FMO3: variants seen among roughly 807,000 people sequenced by gnomAD.
FMO3 encodes the protein flavin-containing monooxygenase 3.
In FMO3, 40 loss-of-function variants were observed where a neutral mutation model predicts 39.4. The ratio of observed to expected loss-of-function variants is 1.02; its 90% CI spans 0.79 to 1.32. FMO3 has a LOEUF of 1.32. FMO3 is among the 40% of genes most tolerant of loss of function. The pLI is 0.00. For missense variants in FMO3, 680 were observed against 651.8 expected (o/e 1.04, Z -0.47); for synonymous variants, 219 against 228.8 (o/e 0.96, Z 0.39).
At chr1:171,102,680 G>GT (rs1303461940) in intron 2 of FMO3, among the ~76,000 whole-genome samples, 1 of 152,128 alleles carries the variant, frequency 6.6e-6, no homozygotes, top group Non-Finnish European at 1.5e-5. Flanking sequence ...TGCTCAGTGT[G>GT]TTTTTTAAAG....
chr1:171,095,911 A>ATATAATT (rs1381730592), intron 2 of FMO3, among the ~76,000 whole-genome samples: 83 of 318 alleles, frequency 0.26, 1 homozygote, highest in South Asian at 0.47. Context: ...AATATGTATA[A>ATATAATT]ATATATATTT....
At chr1:171,104,757 C>G (rs1655563222) in intron 3 of FMO3, among the ~76,000 whole-genome samples, 1 of 151,928 alleles carries the variant, frequency 6.6e-6, no homozygotes, top group South Asian at 2.1e-4. Flanking sequence ...GCCTGTGGTC[C>G]CAGCTACTAG....
intron 5 of FMO3, among the ~76,000 whole-genome samples, chr1:171,109,916 TA>T (rs1188193500): frequency 6.6e-6 from 1 of 152,098 alleles, no homozygotes; most frequent in Non-Finnish European, 1.5e-5. Flanking sequence ...AAATTGGTTT[TA>T]AAAAAGACAA....
chr1:171,107,853 A>T lies in FMO3; in HGVS notation c.484+16A>T. 7.4e-6 allele frequency: 12 copies of T among 1,611,830 alleles called. No individual in the cohort carries two copies. The highest frequency in any genetic ancestry group is 1.0e-5 in the Non-Finnish European group (12 of 1,177,974). ...TCCTTTCCAGGTAAGGCCAAAATTT[A>T]AGCTGCTAGCCACATAACTGACAAA... On this transcript the variant is annotated intron_variant, in intron 4 of 8. Coordinates refer to ENST00000367755, the MANE Select transcript of FMO3 (RefSeq NM_001002294.3).
At chr1:171,093,672 T>C (rs1336094313) in intron 2 of FMO3, among the ~76,000 whole-genome samples, 1 of 152,002 alleles carries the variant, frequency 6.6e-6, no homozygotes, top group Admixed American at 6.6e-5. Flanking sequence ...TTTTTTTATA[T>C]AATGACTTCT....
chr1:171,117,342 G>T lies in FMO3; in HGVS notation c.1499G>T (p.Arg500Leu), dbSNP rs183949390. ...CGGTCGTTGAAACCCATGCAGACACGAGTGGTCGGGAGACTTCAGAAGCCT... is the reference window on the plus strand; with the variant it reads ...CGGTCGTTGAAACCCATGCAGACACTAGTGGTCGGGAGACTTCAGAAGCCT... The part of the protein sequence containing the change: ...WDRSLKPMQT[R>L]VVGRLQKPCF... Residue 500 changes from arginine (R) to leucine (L), a missense_variant, in exon 9 of 9, where the codon CGA becomes CTA. By Grantham distance (102) the Arg-to-Leu change is moderately radical (BLOSUM62 -2). Transcript: ENST00000367755. The T allele has an allele frequency of 1.9e-6, 3 of 1,613,084 alleles. No homozygotes were observed. In the East Asian group the frequency reaches 6.7e-5, roughly 36 times the overall value.
intron 2 of FMO3, 56 bp from the exon 3 acceptor site, chr1:171,103,729 C>A: frequency 1.4e-6 from 2 of 1,420,256 alleles, no homozygotes; most frequent in South Asian, 1.1e-5. Context: ...CAGCCCTGAC[C>A]ATGATCAGTA....
chr1:171,101,253 G>A, intron 2 of FMO3: 1 of 456,030 alleles, frequency 2.2e-6, no homozygotes. Context: ...ATTCCCGACT[G>A]CTGACTTCTA....
In FMO3 at chr1:171,116,264, G is replaced by A; in HGVS notation, c.1240G>A (p.Glu414Lys). Residue 414 changes from glutamate (E) to lysine (K), a missense_variant, in exon 8 of 9, where the codon GAG becomes AAG. Physicochemically the swap from Glu to Lys is moderately conservative, Grantham distance 56. Coordinates refer to ENST00000367755, the MANE Select transcript of FMO3 (RefSeq NM_001002294.3). ...GATGAATGATATTAATGAGAAAATG[G>A]AGAAAAAGCGCAAATGGTAAGAGTA... ...DMMNDINEKM[E>K]KKRKWFGKSE... 6.3e-7 allele frequency: 1 copy of A among 1,591,266 alleles called. No homozygotes were observed. Among genetic ancestry groups the A allele is most frequent in the East Asian group, 2.2e-5 (1 of 44,622 alleles).
chr1:171,103,832 C>A lies in FMO3; in HGVS notation c.180C>A (p.Ser60=). The change falls in exon 3 of 9, where the codon TCC becomes TCA. Residue 60 remains serine (S), a synonymous_variant. Coordinates refer to ENST00000367755, the MANE Select transcript of FMO3 (RefSeq NM_001002294.3). ...GRASIYKSVF[S]NSSKEMMCFP... ...CTAGCATTTACAAATCAGTCTTTTC[C>A]AACTCTTCCAAAGAGATGATGTGTT... The A allele has an allele frequency of 6.2e-7, 1 of 1,613,882 alleles. No homozygotes were observed. Among genetic ancestry groups the A allele is most frequent in the Non-Finnish European group, 8.5e-7 (1 of 1,179,874 alleles).
In FMO3 at chr1:171,107,752, T is replaced by C; in HGVS notation, c.399T>C (p.Gly133=). The change falls in exon 4 of 9, where the codon GGT becomes GGC. Residue 133 remains glycine (G), a synonymous_variant. Transcript: ENST00000367755. The part of the protein sequence containing the change: ...GQWDVTTERD[G]KKESAVFDAV... Reference sequence around the variant, plus strand: ...GGGATGTTACCACTGAAAGGGATGGTAAAAAAGAATCGGCTGTCTTTGATG... The same window carrying C: ...GGGATGTTACCACTGAAAGGGATGGCAAAAAAGAATCGGCTGTCTTTGATG... The C allele has an allele frequency of 6.2e-7, 1 of 1,613,790 alleles. No individual in the cohort carries two copies.
intron 3 of FMO3, among the ~76,000 whole-genome samples, chr1:171,104,282 T>A (rs929561591): frequency 2.6e-5 from 4 of 152,032 alleles, no homozygotes; most frequent in Non-Finnish European, 5.9e-5. Context: ...AACATATAGG[T>A]CAAAGAAGAA....
At chr1:171,108,009 G>C (rs1655725620) in intron 4 of FMO3, 70 bp from the exon 5 acceptor site, 2 of 1,534,692 alleles carry the variant, frequency 1.3e-6, no homozygotes, top group African/African-American at 2.7e-5. Context: ...TATTCACAAG[G>C]TCGCTTCTGT....
At chr1:171,109,419 T>C (rs1655796827) in intron 5 of FMO3, among the ~76,000 whole-genome samples, 1 of 152,052 alleles carries the variant, frequency 6.6e-6, no homozygotes, top group African/African-American at 2.4e-5. Flanking sequence ...GATGAACTCA[T>C]AGTTTTCACA....
intron 2 of FMO3, 73 bp downstream of exon 2, chr1:171,092,863 G>A (rs780249233): frequency 9.9e-6 from 15 of 1,509,478 alleles, no homozygotes; most frequent in Non-Finnish European, 1.4e-5. Context: ...TGTGCACACA[G>A]GTTTCCAAAC....
intron 5 of FMO3, among the ~76,000 whole-genome samples, chr1:171,109,046 G>T (rs1000594993): frequency 6.6e-6 from 1 of 152,164 alleles, no homozygotes; most frequent in Admixed American, 6.6e-5. Flanking sequence ...TGGAATGGAG[G>T]TTCTTAATGC....
chr1:171,117,760 A>C lies in FMO3; in HGVS notation c.*318A>C, dbSNP rs1656228565. 1 of 224,716 alleles carries C rather than the reference A, an allele frequency of 4.5e-6. No homozygotes were observed. The highest frequency in any genetic ancestry group is 2.3e-5 in the African/African-American group (1 of 43,686). The allele number at this position is 224,716 out of a possible 1,614,324, so 13.9% of individuals were successfully genotyped here. ...ACATGATTCCTTTTTCCTTTTAAAC[A>C]ATGTATGAAAGATGTATTTTAAATC... is the stretch of plus-strand genomic sequence containing the variant. On this transcript the variant is annotated 3_prime_UTR_variant, in exon 9 of 9. Coordinates refer to ENST00000367755, the MANE Select transcript of FMO3 (RefSeq NM_001002294.3).
chr1:171,114,952 T>C (rs1445684109), intron 7 of FMO3, among the ~76,000 whole-genome samples: 3 of 152,190 alleles, frequency 2.0e-5, no homozygotes, highest in East Asian at 1.9e-4. Context: ...CTGTAATACA[T>C]AAGAATACTG....
intron 2 of FMO3, among the ~76,000 whole-genome samples, chr1:171,101,382 G>A (rs1443271874): frequency 1.3e-5 from 2 of 152,112 alleles, no homozygotes; most frequent in Non-Finnish European, 2.9e-5. Flanking sequence ...ACTGTGAGGG[G>A]GCTTATAGAT....
Sources: allele counts gnomAD v4.1 joint callset (sites outside exome capture counted in the v4.1 genomes callset), GRCh38; gene constraint gnomAD v4.1.1; transcripts MANE v1.5; gene names NCBI Gene and HGNC (gene_info 2026-07-23, HGNC 2026-07-21).